Variants in GEN1 observed in about 807,000 individuals in gnomAD.
GEN1 encodes GEN1 structure-specific endonuclease.
GEN1 carries 64 observed loss-of-function variants against 67.6 expected under a neutral mutation model. The observed-to-expected ratio is 0.95, with a 90% CI of 0.77 to 1.17. The LOEUF (loss-of-function observed/expected upper bound fraction) is 1.17, where lower values mean the gene tolerates loss of function less well. Ranked by LOEUF, GEN1 falls within the 50% of genes most tolerant of loss-of-function variation. GEN1 has a pLI of 0.00. For synonymous variants in GEN1, 371 were observed against 359.4 expected (o/e 1.03, Z -0.37); for missense variants, 1,058 against 1,048.3 (o/e 1.01, Z -0.13).
chr2:17,778,347 C>CATAT (rs70964010), intron 12 of GEN1, among the ~76,000 whole-genome samples: 664 of 35,164 alleles, frequency 0.019, 249 homozygotes, highest in Admixed American at 0.035. Context: ...TATACACACA[C>CATAT]ATGTGTGTAC....
upstream of GEN1, chr2:17,753,936 G>C (rs1279151351): frequency 6.6e-6 from 1 of 152,488 alleles, no homozygotes; most frequent in Non-Finnish European, 1.5e-5. Context: ...TGGTAGGCAC[G>C]GGCGGCTCCG....
rs1469277768 is a variant in GEN1, at chr2:17,778,278, A to G, written c.1264+215A>G. On this transcript the variant is annotated intron_variant, in intron 12 of 13. Transcript: ENST00000381254. Reference sequence around the variant, plus strand: ...CACACATATGTGTGTACATATATGTATATACACACACATGTGTGTGTACAT... The same window carrying G: ...CACACATATGTGTGTACATATATGTGTATACACACACATGTGTGTGTACAT... Among the ~76,000 whole-genome samples the G allele has an allele frequency of 9.1e-5, 3 of 32,854 alleles. 1 individual carries two copies. Among genetic ancestry groups the G allele is most frequent in the African/African-American group, 1.5e-4 (2 of 13,702 alleles). 21.6% of individuals were successfully genotyped at this position (32,854 alleles called of 152,430 possible).
At position 17,766,584 on chromosome 2, in the gene GEN1, A is replaced by C; in HGVS notation, c.531A>C (p.Pro177=). ...TAAATCTGTTCTTTCTTTAGGACCC[A>C]CATGTTGACTGTTACACAATGTCAT... The part of the protein sequence containing the change: ...YRNFTMNTKD[P]HVDCYTMSSI... Residue 177 remains proline (P), a synonymous_variant, in exon 5 of 14, where the codon CCA becomes CCC. Transcript: ENST00000381254. The C allele has an allele frequency of 6.4e-7, 1 of 1,561,426 alleles. No individual in the cohort carries two copies. Among genetic ancestry groups the C allele is most frequent in the Non-Finnish European group, 8.8e-7 (1 of 1,136,190 alleles).
At position 17,766,706 on chromosome 2, in the gene GEN1, A is replaced by T. The variant is rs375026210; in HGVS notation, c.636+17A>T. On this transcript the variant is annotated intron_variant, in intron 5 of 13. Transcript: ENST00000381254. Reference sequence around the variant, plus strand: ...CTCCCAAAGGTAAGCTGAAATTGTCATATTTATTTGCTATTCATAAAGTCT... The same window carrying T: ...CTCCCAAAGGTAAGCTGAAATTGTCTTATTTATTTGCTATTCATAAAGTCT... 7.4e-7 allele frequency: 1 copy of T among 1,348,050 alleles called. No individual in the cohort carries two copies. Among genetic ancestry groups the T allele is most frequent in the Non-Finnish European group, 1.1e-6 (1 of 939,622 alleles). 83.5% of individuals were successfully genotyped at this position (1,348,050 alleles called of 1,614,324 possible).
chr2:17,761,711 T>C lies in GEN1; in HGVS notation c.348+129T>C, dbSNP rs975093652. 6.1e-6 allele frequency: 4 copies of C among 654,964 alleles called. No individual in the cohort carries two copies. In the Admixed American group the frequency reaches 1.1e-4, roughly 18 times the overall value. 40.6% of individuals were successfully genotyped at this position (654,964 alleles called of 1,614,324 possible). On this transcript the variant is annotated intron_variant, in intron 3 of 13. Transcript: ENST00000381254. Reference sequence around the variant, plus strand: ...GCAGGGATGTGCCTAGAGAAAAGAGTTTATTTTTTAGAGTGAAATTGACCT... The same window carrying C: ...GCAGGGATGTGCCTAGAGAAAAGAGCTTATTTTTTAGAGTGAAATTGACCT...
chr2:17,761,856 A>AT (rs1227513402), intron 3 of GEN1, among the ~76,000 whole-genome samples: 4 of 152,172 alleles, frequency 2.6e-5, no homozygotes, highest in African/African-American at 4.8e-5. Context: ...CAGGGATGTG[A>AT]TAAAAATAAG....
Position 17,783,094 on chromosome 2 carries a change from C to G in GEN1, c.*1155C>G. 6.6e-6 allele frequency: 1 copy of G among 152,160 alleles called. No homozygotes were observed. 9.4% of individuals were successfully genotyped at this position (152,160 alleles called of 1,614,324 possible). A position where few individuals can be genotyped will look rare whatever the true frequency, so the allele number is the denominator to read the frequency against. On this transcript the variant is annotated 3_prime_UTR_variant, in exon 14 of 14. Coordinates refer to ENST00000381254, the MANE Select transcript of GEN1 (RefSeq NM_001130009.3). The stretch of plus-strand genomic sequence containing the variant: ...TTTTTTTTTGAGACAGAGTCTCACT[C>G]TTGTCGAGACTGGGGTGTAGTGGCG...
intron 12 of GEN1, among the ~76,000 whole-genome samples, chr2:17,778,308 GTATA>G (rs1220441521): frequency 0.011 from 686 of 63,258 alleles, 178 homozygotes; most frequent in Middle Eastern, 0.034. Flanking sequence ...GTACATATAT[GTATA>G]TACACACACA....
chr2:17,754,361 C>G lies in GEN1; in HGVS notation c.-16+16C>G, dbSNP rs964266939. 5 of 152,138 alleles carry G rather than the reference C, an allele frequency of 3.3e-5. No individual in the cohort carries two copies. Among genetic ancestry groups the G allele is most frequent in the Non-Finnish European group, 7.3e-5 (5 of 68,080 alleles). The allele number at this position is 152,138 out of a possible 1,614,324, so 9.4% of individuals were successfully genotyped here. A position where few individuals can be genotyped will look rare whatever the true frequency, so the allele number is the denominator to read the frequency against. Reference sequence around the variant, plus strand: ...GGTTGTCCGGGTAAGTCCCGCGGGACGTGGAGAGACGGCGCCGCCCGGGTC... The same window carrying G: ...GGTTGTCCGGGTAAGTCCCGCGGGAGGTGGAGAGACGGCGCCGCCCGGGTC... On this transcript the variant is annotated intron_variant, in intron 1 of 13. Coordinates refer to ENST00000381254, the MANE Select transcript of GEN1 (RefSeq NM_001130009.3).
chr2:17,770,632 A>C (rs1266363930), intron 6 of GEN1, among the ~76,000 whole-genome samples: 2 of 152,040 alleles, frequency 1.3e-5, no homozygotes, highest in Non-Finnish European at 2.9e-5. Context: ...AGTACTATAC[A>C]TTTTTCTTAA....
At chr2:17,775,220 AATGG>A (rs974141518) in intron 11 of GEN1, among the ~76,000 whole-genome samples, 1 of 152,172 alleles carries the variant, frequency 6.6e-6, no homozygotes, top group Non-Finnish European at 1.5e-5. Context: ...AATGTGTGTA[AATGG>A]ATGGATATAA....
intron 6 of GEN1, chr2:17,770,944 G>C (rs1672156162): frequency 2.5e-6 from 1 of 400,008 alleles, no homozygotes; most frequent in Non-Finnish European, 4.7e-6. Flanking sequence ...TTTTAATAGA[G>C]ATACCGATAT....
Position 17,781,577 on chromosome 2 carries a change from AT to A in GEN1, c.2369del (p.Leu790Ter), listed in dbSNP as rs1672838256. 6.2e-7 allele frequency: 1 copy of A among 1,613,952 alleles called. No individual in the cohort carries two copies. The highest frequency in any genetic ancestry group is 1.3e-5 in the African/African-American group (1 of 75,046). On this transcript the variant is annotated frameshift_variant, in exon 14 of 14. Coordinates refer to ENST00000381254, the MANE Select transcript of GEN1 (RefSeq NM_001130009.3). LOFTEE classifies it low-confidence loss of function (END_TRUNC). Reference protein sequence around the residue: ...RKVDMQTTRKILMKKSVCLDR... With the variant: ...RKVDMQTTRKXLMKKSVCLDR... ...AGTTGATATGCAAACCACTCGGAAA[AT>A]TTTAATGAAGAAGAGTGTTTGCCTT...
At chr2:17,765,440 T>C (rs778579660) in intron 4 of GEN1, among the ~76,000 whole-genome samples, 2 of 152,242 alleles carry the variant, frequency 1.3e-5, no homozygotes, top group Admixed American at 6.5e-5. Flanking sequence ...CAATGTAGCA[T>C]TGTTAATAAT....
At chr2:17,775,925 G>A (rs1339875047) in intron 11 of GEN1, among the ~76,000 whole-genome samples, 1 of 151,910 alleles carries the variant, frequency 6.6e-6, no homozygotes, top group Non-Finnish European at 1.5e-5. Flanking sequence ...GATCGACTGA[G>A]CTCAGGAGTT....
At position 17,781,825 on chromosome 2, in the gene GEN1, A is replaced by G. The variant is rs1467166925; in HGVS notation, c.2613A>G (p.Thr871=). 2.5e-6 allele frequency: 4 copies of G among 1,612,796 alleles called. No individual in the cohort carries two copies. Among genetic ancestry groups the G allele is most frequent in the Middle Eastern group, 1.7e-4 (1 of 6,054 alleles). ...AAGAAAGCTGTTTCCCAGATTCAAC[A>G]AAAAGTTCTCTGAGTTCTCTACAAT... is the stretch of plus-strand genomic sequence containing the variant. ...ENEESCFPDS[T]KSSLSSLQCH... Residue 871 remains threonine (T), a synonymous_variant, in exon 14 of 14, where the codon ACA becomes ACG. Coordinates refer to ENST00000381254, the MANE Select transcript of GEN1 (RefSeq NM_001130009.3).
chr2:17,776,604 A>G (rs1255707741), intron 11 of GEN1, among the ~76,000 whole-genome samples: 1 of 152,214 alleles, frequency 6.6e-6, no homozygotes, highest in Non-Finnish European at 1.5e-5. Flanking sequence ...AAGGTTTGAA[A>G]TTTTTCAGAA....
At position 17,781,956 on chromosome 2, in the gene GEN1, G is replaced by A. The variant is rs1284228829; in HGVS notation, c.*17G>A. On this transcript the variant is annotated 3_prime_UTR_variant, in exon 14 of 14. Coordinates refer to ENST00000381254, the MANE Select transcript of GEN1 (RefSeq NM_001130009.3). The stretch of plus-strand genomic sequence containing the variant: ...AGCACTTGAAATTTAAAACACTTAG[G>A]TATAACTTAACTATTTTAGTACTAT... The A allele has an allele frequency of 7.3e-7, 1 of 1,369,920 alleles. No individual in the cohort carries two copies. The highest frequency in any genetic ancestry group is 1.0e-6 in the Non-Finnish European group (1 of 998,914). 84.9% of individuals were successfully genotyped at this position (1,369,920 alleles called of 1,614,324 possible).
chr2:17,769,416 A>G (rs1324937935), intron 6 of GEN1, among the ~76,000 whole-genome samples: 4 of 152,102 alleles, frequency 2.6e-5, no homozygotes, highest in Admixed American at 6.5e-5. Flanking sequence ...TTAGCTCACT[A>G]AACACATTTA....
Sources: allele counts gnomAD v4.1 joint callset (sites outside exome capture counted in the v4.1 genomes callset), GRCh38; gene constraint gnomAD v4.1.1; transcripts MANE v1.5; gene names NCBI Gene and HGNC (gene_info 2026-07-23, HGNC 2026-07-21).